HEMK2: variants seen among roughly 807,000 people sequenced by gnomAD.
The protein encoded by HEMK2 is methyltransferase HEMK2.
chr21:28,874,414 G>A, the HEMK2 span: 1 of 152,294 alleles, frequency 6.6e-6, no homozygotes, highest in Non-Finnish European at 1.5e-5. Context: ...GCAACTGACT[G>A]ATGACCCTGG....
chr21:28,764,796 T>C, the HEMK2 span, among the ~76,000 whole-genome samples: 1 of 152,106 alleles, frequency 6.6e-6, no homozygotes, highest in Non-Finnish European at 1.5e-5. Flanking sequence ...TTCACCTCCT[T>C]CCACTAGGTA....
chr21:28,819,718 T>C, the HEMK2 span, among the ~76,000 whole-genome samples: 6 of 151,886 alleles, frequency 4.0e-5, no homozygotes, highest in Non-Finnish European at 8.8e-5. Flanking sequence ...CTGGCTAATT[T>C]TTTGTATTTT....
the HEMK2 span, among the ~76,000 whole-genome samples, chr21:28,712,505 C>T: frequency 6.6e-6 from 1 of 152,136 alleles, no homozygotes; most frequent in Non-Finnish European, 1.5e-5. Context: ...AGAAAAGCTC[C>T]AGAGGCAACA....
chr21:28,624,291 C>T, the HEMK2 span, among the ~76,000 whole-genome samples: 26 of 152,312 alleles, frequency 1.7e-4, no homozygotes, highest in African/African-American at 5.1e-4. Context: ...GAATTTTGAA[C>T]GCTAAAGCAA....
the HEMK2 span, among the ~76,000 whole-genome samples, chr21:28,776,639 T>A: frequency 1.8e-3 from 276 of 152,156 alleles, 2 homozygotes; most frequent in Non-Finnish European, 3.0e-3. Flanking sequence ...CCAGTCTGAG[T>A]CCCAAAACCT....
At chr21:28,587,869 G>A in the HEMK2 span, among the ~76,000 whole-genome samples, 1 of 152,188 alleles carries the variant, frequency 6.6e-6, no homozygotes, top group African/African-American at 2.4e-5. Flanking sequence ...TCATTTGTTT[G>A]CAGAGATTAA....
the HEMK2 span, among the ~76,000 whole-genome samples, chr21:28,788,209 C>CACATATACACATATATATATATAT: frequency 3.5e-5 from 5 of 144,306 alleles, no homozygotes; most frequent in Admixed American, 1.4e-4. Flanking sequence ...CGTATATATA[C>CACATATACACATATATATATATAT]GTATATATGT....
the HEMK2 span, among the ~76,000 whole-genome samples, chr21:28,826,729 A>T: frequency 6.6e-6 from 1 of 152,216 alleles, no homozygotes; most frequent in Non-Finnish European, 1.5e-5. Context: ...TCCTCCCAGC[A>T]ACTAACTCCT....
chr21:28,624,194 CTTTG>C, the HEMK2 span, among the ~76,000 whole-genome samples: 4 of 152,116 alleles, frequency 2.6e-5, no homozygotes, highest in African/African-American at 9.7e-5. Context: ...CATTTCTAGT[CTTTG>C]TAATACCAGA....
chr21:28,590,973 G>A, the HEMK2 span, among the ~76,000 whole-genome samples: 1 of 152,264 alleles, frequency 6.6e-6, no homozygotes, highest in Admixed American at 6.5e-5. Flanking sequence ...AGGAGTCATG[G>A]ATCACCAATG....
chr21:28,861,277 C>T, the HEMK2 span, among the ~76,000 whole-genome samples: 1 of 152,170 alleles, frequency 6.6e-6, no homozygotes, highest in Admixed American at 6.6e-5. Flanking sequence ...GTGGGCATAC[C>T]TGCTGTAATA....
At chr21:28,630,194 G>A in the HEMK2 span, among the ~76,000 whole-genome samples, 1 of 151,632 alleles carries the variant, frequency 6.6e-6, no homozygotes, top group Non-Finnish European at 1.5e-5. Flanking sequence ...TTTTTCACTG[G>A]CCATCAGAGA....
the HEMK2 span, among the ~76,000 whole-genome samples, chr21:28,722,481 A>G: frequency 1.3e-5 from 2 of 152,232 alleles, no homozygotes. Context: ...TCAAAAATCA[A>G]TTGAAAATTA....
At chr21:28,758,669 ATG>A in the HEMK2 span, among the ~76,000 whole-genome samples, 2 of 152,158 alleles carry the variant, frequency 1.3e-5, no homozygotes, top group Non-Finnish European at 2.9e-5. Context: ...TCTTAATAAT[ATG>A]TGTGTTGCAT....
the HEMK2 span, among the ~76,000 whole-genome samples, chr21:28,801,321 T>A: frequency 1.3e-5 from 2 of 152,306 alleles, no homozygotes; most frequent in East Asian, 3.9e-4. Context: ...ACCTCACATT[T>A]TATACTAGGA....
chr21:28,609,648 G>GA, the HEMK2 span, among the ~76,000 whole-genome samples: 950 of 82,788 alleles, frequency 0.011, 10 homozygotes, highest in African/African-American at 0.029. Flanking sequence ...CCAACTTAAA[G>GA]AAAAAAAAAA....
chr21:28,699,908 A>G, the HEMK2 span, among the ~76,000 whole-genome samples: 1 of 152,246 alleles, frequency 6.6e-6, no homozygotes, highest in East Asian at 1.9e-4. Flanking sequence ...TTACAATTAA[A>G]TCACTAAAAT....
At chr21:28,748,297 T>C in the HEMK2 span, among the ~76,000 whole-genome samples, 190 of 152,330 alleles carry the variant, frequency 1.2e-3, 1 homozygote, top group African/African-American at 4.3e-3. Flanking sequence ...AACATTGAAA[T>C]TATTTTTAAA....
the HEMK2 span, chr21:28,743,365 G>C: frequency 6.6e-6 from 1 of 152,204 alleles, no homozygotes; most frequent in East Asian, 1.9e-4. Flanking sequence ...ACCAGAGGCA[G>C]GGTCACTTCA....
Sources: allele counts gnomAD v4.1 joint callset (sites outside exome capture counted in the v4.1 genomes callset), GRCh38; gene constraint gnomAD v4.1.1; transcripts MANE v1.5; gene names NCBI Gene and HGNC (gene_info 2026-07-23, HGNC 2026-07-21).